The following SMAP2 variants were observed in gnomAD, a reference collection of about 807,000 sequenced individuals.
The protein encoded by SMAP2 is small ArfGAP2, also known as stromal membrane-associated protein 2.
A neutral mutation model predicts 56.4 loss-of-function variants in SMAP2; 25 were observed. That is an observed-to-expected ratio of 0.44 (90% CI 0.32 to 0.62). SMAP2 has a LOEUF of 0.62. Among genes scored for constraint, SMAP2 ranks in the 20% least tolerant of loss-of-function variants. The pLI is 0.04. For synonymous variants in SMAP2, 157 were observed against 181.7 expected, an observed-to-expected ratio of 0.86 and a Z score of 1.09; for missense variants, 388 against 545.6, an observed-to-expected ratio of 0.71 and a Z score of 2.88.
At chr1:40,398,246 T>A (rs924723367) in intron 1 of SMAP2, among the ~76,000 whole-genome samples, 6 of 152,124 alleles carry the variant, frequency 3.9e-5, no homozygotes, top group South Asian at 4.1e-4. Context: ...TTATTTATTT[T>A]TTGACAAGGT....
At chr1:40,409,586 A>C (rs1207323701) in intron 3 of SMAP2, among the ~76,000 whole-genome samples, 171 bp from the exon 4 acceptor site, 2 of 152,214 alleles carry the variant, frequency 1.3e-5, no homozygotes, top group Non-Finnish European at 1.5e-5. Context: ...ACTGTGAAAG[A>C]GGCATTTTAA....
At chr1:40,358,116 T>C (rs1453512781) in intron 1 of SMAP2, among the ~76,000 whole-genome samples, 2 of 152,242 alleles carry the variant, frequency 1.3e-5, no homozygotes, top group Admixed American at 6.5e-5. Flanking sequence ...ATCAATGTTT[T>C]ATAGTTTTTA....
At chr1:40,406,197 C>T (rs752479938) in intron 1 of SMAP2, among the ~76,000 whole-genome samples, 4 of 152,100 alleles carry the variant, frequency 2.6e-5, no homozygotes, top group Non-Finnish European at 4.4e-5. Context: ...GTAAGGTGCT[C>T]GGCCAAATAG....
At chr1:40,420,676 G>A (rs1040551057) in intron 9 of SMAP2, among the ~76,000 whole-genome samples, 1 of 152,232 alleles carries the variant, frequency 6.6e-6, no homozygotes, top group Non-Finnish European at 1.5e-5. Context: ...AATGTCATAT[G>A]CTTCCTGATA....
chr1:40,413,361 C>T (rs1295644008), intron 5 of SMAP2, among the ~76,000 whole-genome samples: 2 of 152,212 alleles, frequency 1.3e-5, no homozygotes, highest in Non-Finnish European at 1.5e-5. Flanking sequence ...GCAAGAGGCA[C>T]ATTCCAAGCC....
At chr1:40,355,798 C>T (rs1023391894) in intron 1 of SMAP2, among the ~76,000 whole-genome samples, 21 of 152,034 alleles carry the variant, frequency 1.4e-4, no homozygotes, top group South Asian at 6.2e-4. Flanking sequence ...TTTGTAGAGA[C>T]GAGGTCTCAC....
chr1:40,383,444 A>C (rs1644619434), intron 1 of SMAP2, among the ~76,000 whole-genome samples: 1 of 152,222 alleles, frequency 6.6e-6, no homozygotes, highest in Non-Finnish European at 1.5e-5. Flanking sequence ...ATCCCAGCGC[A>C]AACAGGCAAA....
chr1:40,421,076 C>CA (rs985146900), intron 9 of SMAP2, among the ~76,000 whole-genome samples: 2 of 148,628 alleles, frequency 1.3e-5, no homozygotes, highest in African/African-American at 5.0e-5. Flanking sequence ...TGATACTCAT[C>CA]AAAAAAATGT....
At chr1:40,365,702 A>G (rs1036439883) in intron 2 of SMAP2, among the ~76,000 whole-genome samples, 1 of 152,206 alleles carries the variant, frequency 6.6e-6, no homozygotes, top group African/African-American at 2.4e-5. Context: ...ACCCATCTGT[A>G]CATCACCATC....
chr1:40,352,005 A>G (rs557280846), intron 1 of SMAP2, among the ~76,000 whole-genome samples: 2 of 152,196 alleles, frequency 1.3e-5, no homozygotes, highest in South Asian at 4.1e-4. Context: ...CCAAGACTGC[A>G]CACACCCGCA....
chr1:40,362,116 G>A (rs372625379), intron 1 of SMAP2, among the ~76,000 whole-genome samples: 3 of 152,168 alleles, frequency 2.0e-5, no homozygotes, highest in Admixed American at 6.5e-5. Context: ...GTGAGCCCTC[G>A]CTGTAGGAGA....
chr1:40,394,863 C>A (rs1644754375), intron 1 of SMAP2, among the ~76,000 whole-genome samples: 1 of 152,124 alleles, frequency 6.6e-6, no homozygotes, highest in African/African-American at 2.4e-5. Context: ...CAGAGACTCA[C>A]CACACCCAAG....
intron 1 of SMAP2, among the ~76,000 whole-genome samples, chr1:40,375,303 A>G (rs1047844127): frequency 6.6e-6 from 1 of 152,246 alleles, no homozygotes; most frequent in Non-Finnish European, 1.5e-5. Context: ...TTCATAATGC[A>G]GTGGATTTGC....
chr1:40,415,547 GC>G (rs1190807468), intron 7 of SMAP2, among the ~76,000 whole-genome samples, 166 bp downstream of exon 7: 1 of 152,116 alleles, frequency 6.6e-6, no homozygotes, highest in African/African-American at 2.4e-5. Flanking sequence ...GTCTAAGATT[GC>G]TGTTCATGCC....
At chr1:40,393,538 T>TA in intron 1 of SMAP2, 4 of 1,277,696 alleles carry the variant, frequency 3.1e-6, no homozygotes, top group Non-Finnish European at 4.2e-6. Context: ...GTAGTTCTTC[T>TA]AACTTTTTTT....
intron 1 of SMAP2, among the ~76,000 whole-genome samples, chr1:40,360,422 G>A (rs1177422625): frequency 2.0e-5 from 3 of 151,684 alleles, no homozygotes; most frequent in African/African-American, 4.9e-5. Flanking sequence ...TCCTGCCTCA[G>A]CCTCCTGAGT....
rs1424364756 is a variant in SMAP2, at chr1:40,408,876, C to T, written c.323+138C>T. 4.7e-6 allele frequency: 3 copies of T among 634,640 alleles called. 1 individual carries two copies. The African/African-American group carries it at 5.6e-5, about 12-fold the overall frequency. The allele number at this position is 634,640 out of a possible 1,614,324, so 39.3% of individuals were successfully genotyped here. A position where few individuals can be genotyped will look rare whatever the true frequency, so the allele number is the denominator to read the frequency against. On this transcript the variant is annotated intron_variant, in intron 3 of 9. Transcript: ENST00000372718. The surrounding 1 kb of genome is among the most constrained non-coding windows in gnomAD (Gnocchi z 4.3). ...GTGTCCTTGCTTGTCCTCTGTCCTGCAATCAAGGTGCACAAAAAGCACATG... is the reference window on the plus strand; with the variant it reads ...GTGTCCTTGCTTGTCCTCTGTCCTGTAATCAAGGTGCACAAAAAGCACATG...
chr1:40,355,509 G>C (rs190686268), intron 1 of SMAP2, among the ~76,000 whole-genome samples: 22 of 152,262 alleles, frequency 1.4e-4, no homozygotes, highest in East Asian at 3.9e-4. Flanking sequence ...AGGGTAAATA[G>C]GGTGTCTCAA....
At chr1:40,407,155 T>G (rs1482232090) in intron 2 of SMAP2, among the ~76,000 whole-genome samples, 1 of 152,210 alleles carries the variant, frequency 6.6e-6, no homozygotes, top group Non-Finnish European at 1.5e-5. Flanking sequence ...TTTCTAAGAC[T>G]CTTAGCATTT....
Sources: allele counts gnomAD v4.1 joint callset (sites outside exome capture counted in the v4.1 genomes callset), GRCh38; gene constraint gnomAD v4.1.1; non-coding constraint Gnocchi (gnomAD v3.1); transcripts MANE v1.5; gene names NCBI Gene and HGNC (gene_info 2026-07-23, HGNC 2026-07-21).